The following NTN1 variants were observed in gnomAD, a reference collection of about 807,000 sequenced individuals.
NTN1 encodes netrin-1.
In NTN1, 11 loss-of-function variants were observed where a neutral mutation model predicts 54.2. The ratio of observed to expected loss-of-function variants is 0.20; its 90% CI spans 0.13 to 0.34. The LOEUF (loss-of-function observed/expected upper bound fraction) is 0.34. NTN1 is among the 10% of genes least tolerant of loss of function. The pLI, the probability that NTN1 is intolerant of heterozygous loss-of-function variation, is 1.00. For missense variants in NTN1, 740 were observed against 893.1 expected, an observed-to-expected ratio of 0.83 and a Z score of 2.18; for synonymous variants, 371 against 382.0, an observed-to-expected ratio of 0.97 and a Z score of 0.33.
At chr17:9,152,050 C>T (rs2092329046) in intron 2 of NTN1, among the ~76,000 whole-genome samples, 1 of 136,814 alleles carries the variant, frequency 7.3e-6, no homozygotes, top group Non-Finnish European at 1.7e-5. Flanking sequence ...TAAAAGCTGG[C>T]CCCCCGCGGG....
At chr17:9,065,047 C>T (rs2092010671) in intron 2 of NTN1, among the ~76,000 whole-genome samples, 1 of 152,206 alleles carries the variant, frequency 6.6e-6, no homozygotes, top group Non-Finnish European at 1.5e-5. Context: ...AACAATTCTC[C>T]TGCCTCAGCC....
intron 2 of NTN1, among the ~76,000 whole-genome samples, chr17:9,069,021 G>C (rs1463954728): frequency 6.6e-6 from 1 of 152,050 alleles, no homozygotes; most frequent in Non-Finnish European, 1.5e-5. Flanking sequence ...ATGAGTACAG[G>C]AATCAGCTCA....
chr17:9,153,053 G>C (rs1029480076), intron 2 of NTN1, among the ~76,000 whole-genome samples: 10 of 152,196 alleles, frequency 6.6e-5, no homozygotes, highest in African/African-American at 1.2e-4. Context: ...TGGATCATCT[G>C]AGATCAGGAG....
At chr17:9,133,854 C>T (rs2092273130) in intron 2 of NTN1, among the ~76,000 whole-genome samples, 2 of 146,084 alleles carry the variant, frequency 1.4e-5, no homozygotes, top group African/African-American at 2.6e-5. Flanking sequence ...CCTGCCTTGG[C>T]CTCCCAAAGT....
intron 2 of NTN1, among the ~76,000 whole-genome samples, chr17:9,149,367 C>T (rs997039384): frequency 4.6e-5 from 7 of 152,038 alleles, no homozygotes; most frequent in African/African-American, 7.3e-5. Flanking sequence ...CAAAAGCTTC[C>T]GGGAGAACTT....
chr17:9,008,869 C>T, the NTN1 span, among the ~76,000 whole-genome samples: 1 of 152,062 alleles, frequency 6.6e-6, no homozygotes, highest in Non-Finnish European at 1.5e-5. Context: ...ATCCAAACCC[C>T]AGCTCTACTA....
chr17:9,188,891 G>A lies in NTN1; in HGVS notation c.1411+5922G>A, dbSNP rs554679364. The stretch of plus-strand genomic sequence containing the variant: ...ACCGTGCAGACAGCCCAGGCCACTG[G>A]TAAACAGGCCCAGTAATTGACCAAG... On this transcript the variant is annotated intron_variant, in intron 5 of 6. Coordinates refer to ENST00000173229, the MANE Select transcript of NTN1 (RefSeq NM_004822.3). Among the ~76,000 whole-genome samples, 5 of 152,302 alleles carry A rather than the reference G, an allele frequency of 3.3e-5. No homozygotes were observed. In the South Asian group the frequency reaches 1.0e-3, roughly 32 times the overall value.
At chr17:9,048,325 TTTTC>T (rs1297140332) in intron 2 of NTN1, among the ~76,000 whole-genome samples, 3 of 151,686 alleles carry the variant, frequency 2.0e-5, no homozygotes, top group Non-Finnish European at 4.4e-5. Flanking sequence ...TTTTTTTTTT[TTTTC>T]TTTCTGAGCA....
intron 2 of NTN1, among the ~76,000 whole-genome samples, chr17:9,040,322 T>C (rs1035157778): frequency 2.6e-5 from 4 of 152,190 alleles, no homozygotes; most frequent in African/African-American, 9.6e-5. Context: ...GCATCACACA[T>C]TTTTTCAGAA....
intron 2 of NTN1, among the ~76,000 whole-genome samples, chr17:9,116,681 G>A (rs776991806): frequency 2.6e-4 from 40 of 152,180 alleles, no homozygotes; most frequent in Non-Finnish European, 5.4e-4. Flanking sequence ...GGCCCCAGAA[G>A]GTCAGCTTCC....
chr17:9,076,100 G>A (rs2092048680), intron 2 of NTN1, among the ~76,000 whole-genome samples: 1 of 152,194 alleles, frequency 6.6e-6, no homozygotes, highest in Admixed American at 6.5e-5. Context: ...GTGCTCATGA[G>A]AGCTGATTTG....
the NTN1 span, among the ~76,000 whole-genome samples, chr17:9,008,476 C>T: frequency 0.28 from 43,237 of 151,784 alleles, 6,977 homozygotes; most frequent in African/African-American, 0.43. Flanking sequence ...TGTGTCACCA[C>T]GCCCAGCTGA....
rs1293061746 is a variant in NTN1 at position 9,023,311 on chromosome 17, C to G, written c.938C>G (p.Pro313Arg). The G allele has an allele frequency of 2.6e-6, 4 of 1,541,006 alleles. No individual in the cohort carries two copies. In the African/African-American group the frequency reaches 4.1e-5, roughly 16 times the overall value. Reference sequence around the variant, plus strand: ...GACTGCAGGCACAACACGGCCGGCCCGGAGTGCGACCGCTGCAAGCCCTTC... The same window carrying G: ...GACTGCAGGCACAACACGGCCGGCCGGGAGTGCGACCGCTGCAAGCCCTTC... ...VCDCRHNTAG[P>R]ECDRCKPFHY... is the part of the protein sequence containing the mutation. Residue 313 changes from proline to arginine, a missense_variant, in exon 2 of 7, where the codon CCG (proline) becomes CGG (arginine). Pro to Arg is a moderately radical substitution (Grantham distance 103). Transcript: ENST00000173229.
Position 9,238,535 on chromosome 17 carries a change from GGTCCCCAAGAA to G in NTN1, c.1487-1103_1487-1093del, listed in dbSNP as rs371956777. Among the ~76,000 whole-genome samples, 1,259 of 152,160 alleles carry G rather than the reference GGTCCCCAAGAA, an allele frequency of 8.3e-3. 12 individuals carry two copies. Among genetic ancestry groups the G allele is most frequent in the African/African-American group, 0.028 (1,153 of 41,512 alleles). On this transcript the variant is annotated intron_variant, in intron 6 of 6. Transcript: ENST00000173229. The stretch of plus-strand genomic sequence containing the variant: ...AATGATCATGTGTCCACCCCCAGCA[GGTCCCCAAGAA>G]GGCCCCATGAGGCTCTGGTGACCTG...
At chr17:9,184,441 C>G (rs934104163) in intron 5 of NTN1, among the ~76,000 whole-genome samples, 2 of 152,252 alleles carry the variant, frequency 1.3e-5, no homozygotes, top group Non-Finnish European at 2.9e-5. Flanking sequence ...TAAATTACTT[C>G]AGCTCTAGGG....
chr17:9,168,649 T>G (rs59893144), intron 3 of NTN1, among the ~76,000 whole-genome samples: 6,493 of 152,252 alleles, frequency 0.043, 551 homozygotes, highest in East Asian at 0.36. Context: ...CGTGTGTGTG[T>G]GAATATGTGT....
intron 2 of NTN1, among the ~76,000 whole-genome samples, chr17:9,029,776 G>A (rs1378754375): frequency 6.6e-6 from 1 of 152,200 alleles, no homozygotes; most frequent in Admixed American, 6.5e-5. Flanking sequence ...GGCAGATCAT[G>A]AGGTCAGGAG....
At chr17:9,228,004 C>T (rs994429574) in intron 6 of NTN1, among the ~76,000 whole-genome samples, 1 of 152,154 alleles carries the variant, frequency 6.6e-6, no homozygotes, top group Non-Finnish European at 1.5e-5. Flanking sequence ...CCTCCACACT[C>T]GTTCATTGAG....
rs60504172 is a variant in NTN1 at position 9,145,916 on chromosome 17, CAAAAAAA to C, written c.1019-16880_1019-16874del. Among the ~76,000 whole-genome samples the C allele has an allele frequency of 8.2e-3, 733 of 88,996 alleles. 4 individuals carry two copies. Among genetic ancestry groups the C allele is most frequent in the Middle Eastern group, 0.02 (3 of 148 alleles). The allele number at this position is 88,996 out of a possible 152,430, so 58.4% of individuals were successfully genotyped here. A position where few individuals can be genotyped will look rare whatever the true frequency, so the allele number is the denominator to read the frequency against. On this transcript the variant is annotated intron_variant, in intron 2 of 6. Transcript: ENST00000173229. ...TGGGCGACAGAGCAAGACTCCATCTCAAAAAAAAAAAAAAAAAAAAAAAGTGTGGGGT... is the reference window on the plus strand; with the variant it reads ...TGGGCGACAGAGCAAGACTCCATCTCAAAAAAAAAAAAAAAAGTGTGGGGT...
Sources: allele counts gnomAD v4.1 joint callset (sites outside exome capture counted in the v4.1 genomes callset), GRCh38; gene constraint gnomAD v4.1.1; transcripts MANE v1.5; gene names NCBI Gene and HGNC (gene_info 2026-07-23, HGNC 2026-07-21).